The following TP63 variants were observed in gnomAD, a reference collection of about 807,000 sequenced individuals.
The protein encoded by TP63 is tumor protein 63.
In TP63, 17 loss-of-function variants were observed where a neutral mutation model predicts 82.8. The observed-to-expected ratio is 0.21, with a 90% CI of 0.14 to 0.31. The LOEUF is 0.31. Ranked by LOEUF, TP63 falls within the 10% of genes least tolerant of loss-of-function variation. The pLI, the probability that TP63 is intolerant of heterozygous loss-of-function variation, is 1.00. For synonymous variants in TP63, 330 were observed against 321.7 expected, an observed-to-expected ratio of 1.03 and a Z score of -0.28; for missense variants, 648 against 895.3, an observed-to-expected ratio of 0.72 and a Z score of 3.52.
chr3:189,618,954 C>T, the TP63 span, among the ~76,000 whole-genome samples: 37 of 152,196 alleles, frequency 2.4e-4, no homozygotes, highest in African/African-American at 7.2e-4. Flanking sequence ...GCCCTATGCA[C>T]GGTGGTTCTT....
At chr3:189,792,447 G>A (rs1351123053) in intron 3 of TP63, among the ~76,000 whole-genome samples, 2 of 152,078 alleles carry the variant, frequency 1.3e-5, no homozygotes, top group African/African-American at 4.8e-5. Flanking sequence ...TGGGCTGTGT[G>A]TGTGGTGTAA....
At chr3:189,597,594 A>G in the TP63 span, among the ~76,000 whole-genome samples, 8 of 152,242 alleles carry the variant, frequency 5.3e-5, no homozygotes, top group Admixed American at 1.3e-4. Flanking sequence ...ACAGATTCAT[A>G]GGTGGTTTAG....
At chr3:189,659,480 C>G (rs9840662) in intron 1 of TP63, among the ~76,000 whole-genome samples, 66,801 of 151,830 alleles carry the variant, frequency 0.44, 16,083 homozygotes, top group Middle Eastern at 0.69. Context: ...AAATGGGCAC[C>G]TTGATTAATT....
intron 1 of TP63, among the ~76,000 whole-genome samples, chr3:189,683,161 A>G (rs919646488): frequency 3.3e-5 from 5 of 152,212 alleles, no homozygotes; most frequent in African/African-American, 1.2e-4. Context: ...CTTAATAATT[A>G]TAAAGACATT....
chr3:189,890,996 C>A, intron 13 of TP63, 114 bp downstream of exon 13: 1 of 929,252 alleles, frequency 1.1e-6, no homozygotes, highest in Non-Finnish European at 1.7e-6. Context: ...GTCATGCCCC[C>A]AATTATCCAT....
At chr3:189,608,266 A>G in the TP63 span, among the ~76,000 whole-genome samples, 1 of 152,158 alleles carries the variant, frequency 6.6e-6, no homozygotes, top group African/African-American at 2.4e-5. Context: ...CAGACTGAGT[A>G]AAGAGGACTT....
At chr3:189,890,727 A>G (rs1720931292) in intron 12 of TP63, 62 bp from the exon 13 acceptor site, 8 of 1,505,074 alleles carry the variant, frequency 5.3e-6, no homozygotes, top group Admixed American at 1.7e-5. Context: ...TATCTCGCCA[A>G]TGCAGTTGGG....
chr3:189,829,385 A>G (rs1711945978), intron 4 of TP63, among the ~76,000 whole-genome samples: 1 of 152,226 alleles, frequency 6.6e-6, no homozygotes, highest in Non-Finnish European at 1.5e-5. Context: ...AACTAGACCC[A>G]TGTAAACAAG....
chr3:189,719,279 G>T (rs6783229), intron 1 of TP63, among the ~76,000 whole-genome samples: 78,057 of 151,550 alleles, frequency 0.52, 20,230 homozygotes, highest in Middle Eastern at 0.61. Context: ...AAAACGAATC[G>T]GTAGCCTTTT....
At chr3:189,694,798 T>TTTTTTTC (rs1717233141) in intron 1 of TP63, among the ~76,000 whole-genome samples, 1 of 29,076 alleles carries the variant, frequency 3.4e-5, no homozygotes, top group Non-Finnish European at 7.1e-5. Flanking sequence ...GCCTTTTTTT[T>TTTTTTTC]TTTTTTTTTT....
At chr3:189,614,566 C>A in the TP63 span, among the ~76,000 whole-genome samples, 1 of 152,168 alleles carries the variant, frequency 6.6e-6, no homozygotes, top group Non-Finnish European at 1.5e-5. Flanking sequence ...TTTCTTCTGG[C>A]ATTCATTCCC....
intron 4 of TP63, chr3:189,844,185 T>C (rs1036362308): frequency 2.9e-5 from 11 of 374,332 alleles, no homozygotes; most frequent in South Asian, 1.2e-4. Context: ...TTTTTTTTTT[T>C]CTTTGAGACA....
At chr3:189,665,635 TTAATTCTG>T (rs2108661130) in intron 1 of TP63, among the ~76,000 whole-genome samples, 1 of 152,198 alleles carries the variant, frequency 6.6e-6, no homozygotes, top group Admixed American at 6.6e-5. Flanking sequence ...ACAACACTAA[TTAATTCTG>T]GAGTCACACT....
At chr3:189,699,419 A>C (rs10513840) in intron 1 of TP63, among the ~76,000 whole-genome samples, 41,194 of 152,142 alleles carry the variant, frequency 0.27, 6,621 homozygotes, top group African/African-American at 0.45. Flanking sequence ...AACAATAAGA[A>C]ATTAAAAGTT....
At chr3:189,724,075 C>T (rs1169420332) in intron 1 of TP63, among the ~76,000 whole-genome samples, 2 of 144,814 alleles carry the variant, frequency 1.4e-5, no homozygotes, top group African/African-American at 5.1e-5. Context: ...GAGGTCATTG[C>T]AATATACCAG....
At chr3:189,748,706 A>G (rs1721572559) in intron 3 of TP63, among the ~76,000 whole-genome samples, 1 of 152,050 alleles carries the variant, frequency 6.6e-6, no homozygotes, top group South Asian at 2.1e-4. Context: ...TATGGAATAA[A>G]AAAGAGCCCA....
At chr3:189,611,318 G>A in the TP63 span, among the ~76,000 whole-genome samples, 16 of 152,246 alleles carry the variant, frequency 1.1e-4, no homozygotes, top group East Asian at 1.2e-3. Flanking sequence ...GTTGGTTTTC[G>A]TATATGGTTT....
At chr3:189,879,897 A>C (rs1351307652) in intron 10 of TP63, among the ~76,000 whole-genome samples, 1 of 152,216 alleles carries the variant, frequency 6.6e-6, no homozygotes, top group Non-Finnish European at 1.5e-5. Context: ...AAGTCTCAGT[A>C]ATTGTAAAAG....
intron 1 of TP63, among the ~76,000 whole-genome samples, chr3:189,662,448 GT>G (rs1388613739): frequency 7.9e-5 from 12 of 151,390 alleles, no homozygotes; most frequent in African/African-American, 2.4e-4. Flanking sequence ...TATTATTTCA[GT>G]TTTTTTTAAT....
Sources: allele counts gnomAD v4.1 joint callset (sites outside exome capture counted in the v4.1 genomes callset), GRCh38; gene constraint gnomAD v4.1.1; transcripts MANE v1.5; gene names NCBI Gene and HGNC (gene_info 2026-07-23, HGNC 2026-07-21).